Variants in PPP2R2B observed in about 807,000 individuals in gnomAD.
The protein encoded by PPP2R2B is protein phosphatase 2 regulatory subunit Bbeta.
Under a neutral mutation model 46.0 loss-of-function variants are expected in PPP2R2B, and 5 were observed. That is an observed-to-expected ratio of 0.11 (90% CI 0.06 to 0.23). PPP2R2B has a LOEUF of 0.23. Ranked by LOEUF, PPP2R2B falls within the 10% of genes least tolerant of loss-of-function variation. The pLI is 1.00. For missense variants in PPP2R2B, 367 were observed against 575.0 expected, an observed-to-expected ratio of 0.64 and a Z score of 3.70; for synonymous variants, 215 against 206.7, an observed-to-expected ratio of 1.04 and a Z score of -0.34.
intron 1 of PPP2R2B, among the ~76,000 whole-genome samples, chr5:146,933,294 C>G (rs1036680146): frequency 9.9e-5 from 15 of 152,006 alleles, no homozygotes. Context: ...GATAAACGCC[C>G]AAGTTGCTCT....
chr5:147,020,513 G>C (rs1322206301), intron 1 of PPP2R2B, among the ~76,000 whole-genome samples: 1 of 152,052 alleles, frequency 6.6e-6, no homozygotes, highest in Non-Finnish European at 1.5e-5. Context: ...TTGCATTAAA[G>C]AAGATAAACA....
chr5:146,871,727 T>C (rs560810439), intron 2 of PPP2R2B, among the ~76,000 whole-genome samples: 3 of 152,350 alleles, frequency 2.0e-5, no homozygotes, highest in African/African-American at 7.2e-5. Context: ...CAAAAGATCC[T>C]GAGCAGCATG....
chr5:147,064,139 T>A (rs1161040747), intron 2 of PPP2R2B, among the ~76,000 whole-genome samples: 2 of 152,244 alleles, frequency 1.3e-5, no homozygotes, highest in East Asian at 3.8e-4. Flanking sequence ...TCAAACTTCA[T>A]GCCTTTAAAC....
At chr5:146,798,770 ATAT>A (rs971217079) in intron 2 of PPP2R2B, among the ~76,000 whole-genome samples, 6 of 152,158 alleles carry the variant, frequency 3.9e-5, no homozygotes, top group African/African-American at 1.4e-4. Flanking sequence ...GTAGGCACTA[ATAT>A]TATAGAAGGG....
At chr5:146,784,485 T>C (rs192043594) in intron 2 of PPP2R2B, among the ~76,000 whole-genome samples, 76 of 152,318 alleles carry the variant, frequency 5.0e-4, no homozygotes, top group African/African-American at 1.8e-3. Flanking sequence ...TTTACCCCAC[T>C]ACAATCTTAT....
At chr5:146,731,518 C>G (rs374510326) in intron 2 of PPP2R2B, among the ~76,000 whole-genome samples, 1 of 152,190 alleles carries the variant, frequency 6.6e-6, no homozygotes, top group South Asian at 2.1e-4. Flanking sequence ...CTTCATTTTC[C>G]GTGGCTTCCC....
intron 2 of PPP2R2B, among the ~76,000 whole-genome samples, chr5:146,740,552 A>C (rs1332689871): frequency 6.7e-6 from 1 of 149,152 alleles, no homozygotes; most frequent in Non-Finnish European, 1.5e-5. Context: ...GGATCTGCCA[A>C]ATTAATATTT....
At chr5:146,877,809 T>C (rs915762048) in intron 2 of PPP2R2B, among the ~76,000 whole-genome samples, 193 bp downstream of exon 2, 2 of 152,192 alleles carry the variant, frequency 1.3e-5, no homozygotes, top group African/African-American at 2.4e-5. Context: ...CACCTGCTGC[T>C]GAACGCCGAG....
intron 5 of PPP2R2B, among the ~76,000 whole-genome samples, chr5:146,690,163 T>A (rs1581882931): frequency 6.6e-6 from 1 of 152,220 alleles, no homozygotes; most frequent in African/African-American, 2.4e-5. Flanking sequence ...TGAAATCACA[T>A]ATTTTACACA....
upstream of PPP2R2B, among the ~76,000 whole-genome samples, chr5:146,883,667 C>T (rs1366711663): frequency 6.6e-6 from 1 of 152,218 alleles, no homozygotes; most frequent in Non-Finnish European, 1.5e-5. Context: ...ACAACTCTCT[C>T]TCTAAGGTGG....
chr5:146,675,781 C>T (rs1297429617), intron 5 of PPP2R2B, among the ~76,000 whole-genome samples: 1 of 151,994 alleles, frequency 6.6e-6, no homozygotes. Context: ...AGCAGCAGCT[C>T]TTTTTTATGG....
At chr5:146,819,323 C>A (rs1198557721) in intron 2 of PPP2R2B, among the ~76,000 whole-genome samples, 1 of 152,124 alleles carries the variant, frequency 6.6e-6, no homozygotes, top group Non-Finnish European at 1.5e-5. Context: ...TGAAAAGATT[C>A]TCTGCAAAAT....
At chr5:146,863,429 T>C (rs1385970309) in intron 2 of PPP2R2B, among the ~76,000 whole-genome samples, 1 of 152,088 alleles carries the variant, frequency 6.6e-6, no homozygotes, top group Admixed American at 6.5e-5. Context: ...TCCCTACAGA[T>C]CTGCGCTACT....
chr5:146,744,227 A>G (rs1753043813), intron 2 of PPP2R2B, among the ~76,000 whole-genome samples: 1 of 152,126 alleles, frequency 6.6e-6, no homozygotes, highest in African/African-American at 2.4e-5. Flanking sequence ...CACCCTTTTA[A>G]ATAAAAGAGG....
At chr5:146,723,076 C>T (rs1272454873) in intron 2 of PPP2R2B, among the ~76,000 whole-genome samples, 1 of 152,196 alleles carries the variant, frequency 6.6e-6, no homozygotes, top group Non-Finnish European at 1.5e-5. Flanking sequence ...ATTTTAAGCA[C>T]AATGTATATT....
At chr5:146,984,387 T>C (rs1224226970) in intron 1 of PPP2R2B, among the ~76,000 whole-genome samples, 2 of 152,240 alleles carry the variant, frequency 1.3e-5, no homozygotes, top group Non-Finnish European at 2.9e-5. Flanking sequence ...GTTCTCCAGT[T>C]CCATCTATGT....
chr5:147,078,290 C>G (rs1382993446), intron 2 of PPP2R2B, among the ~76,000 whole-genome samples: 4 of 152,142 alleles, frequency 2.6e-5, no homozygotes, highest in Admixed American at 2.0e-4. Context: ...ATTAATTTGT[C>G]TTAAGCAAAT....
At chr5:146,768,715 T>A (rs1216713860) in intron 2 of PPP2R2B, among the ~76,000 whole-genome samples, 1 of 152,166 alleles carries the variant, frequency 6.6e-6, no homozygotes, top group Non-Finnish European at 1.5e-5. Flanking sequence ...TCTCCAACTT[T>A]GACTATTATT....
chr5:146,977,981 C>T (rs1385191586), intron 1 of PPP2R2B, among the ~76,000 whole-genome samples: 1 of 152,188 alleles, frequency 6.6e-6, no homozygotes, highest in Non-Finnish European at 1.5e-5. Context: ...AACTAATTTA[C>T]ACTCCCACCA....
Sources: allele counts gnomAD v4.1 joint callset (sites outside exome capture counted in the v4.1 genomes callset), GRCh38; gene constraint gnomAD v4.1.1; transcripts MANE v1.5; gene names NCBI Gene and HGNC (gene_info 2026-07-23, HGNC 2026-07-21).